Variants in KIF6 observed in about 807,000 individuals in gnomAD.
KIF6 encodes kinesin-like protein KIF6.
A neutral mutation model predicts 112.7 loss-of-function variants in KIF6; 106 were observed. The ratio of observed to expected loss-of-function variants is 0.94; its 90% confidence interval spans 0.80 to 1.11. The LOEUF is 1.11. KIF6 is among the 50% of genes least tolerant of loss of function. The probability of loss-of-function intolerance (pLI) is 0.00; values close to 1 mark genes in which losing one functional copy is unlikely to be tolerated. For missense variants in KIF6, 929 were observed against 964.0 expected, an observed-to-expected ratio of 0.96 and a Z score of 0.48; for synonymous variants, 339 against 339.9, an observed-to-expected ratio of 1.00 and a Z score of 0.03.
chr6:39,491,773 T>C (rs1358088828), intron 13 of KIF6, among the ~76,000 whole-genome samples: 1 of 152,168 alleles, frequency 6.6e-6, no homozygotes, highest in Non-Finnish European at 1.5e-5. Flanking sequence ...GGAAGGAAAC[T>C]CTTTTTATGT....
At chr6:39,605,512 C>T (rs1782834666) in intron 6 of KIF6, among the ~76,000 whole-genome samples, 2 of 152,086 alleles carry the variant, frequency 1.3e-5, no homozygotes, top group South Asian at 4.1e-4. Context: ...CTTTTACTAT[C>T]CTGTGTATAA....
At chr6:39,473,988 T>A (rs1218696280) in intron 13 of KIF6, among the ~76,000 whole-genome samples, 6 of 152,200 alleles carry the variant, frequency 3.9e-5, no homozygotes, top group African/African-American at 1.4e-4. Context: ...TTCTGTTCTT[T>A]ATTTGGTCTC....
intron 10 of KIF6, among the ~76,000 whole-genome samples, chr6:39,573,837 C>G (rs1780775996): frequency 6.6e-6 from 1 of 152,208 alleles, no homozygotes; most frequent in Non-Finnish European, 1.5e-5. Flanking sequence ...CTGTCACCAC[C>G]ACTAAATTAT....
intron 1 of KIF6, among the ~76,000 whole-genome samples, chr6:39,723,553 A>G (rs1280236304): frequency 6.6e-6 from 1 of 152,230 alleles, no homozygotes; most frequent in Non-Finnish European, 1.5e-5. Context: ...ACCATGGAAT[A>G]CTATGCAGCC....
intron 3 of KIF6, among the ~76,000 whole-genome samples, chr6:39,688,218 T>C (rs1787986472): frequency 6.6e-6 from 1 of 152,152 alleles, no homozygotes; most frequent in Non-Finnish European, 1.5e-5. Context: ...GGGTTTCCCA[T>C]TGGCTGACCC....
chr6:39,366,760 G>C (rs1191231464), intron 16 of KIF6, among the ~76,000 whole-genome samples: 2 of 152,226 alleles, frequency 1.3e-5, no homozygotes, highest in African/African-American at 4.8e-5. Flanking sequence ...GGGAGCTGAA[G>C]TCAGTGAAGA....
At chr6:39,403,981 C>T (rs2150343247) in intron 15 of KIF6, among the ~76,000 whole-genome samples, 1 of 152,126 alleles carries the variant, frequency 6.6e-6, no homozygotes, top group Non-Finnish European at 1.5e-5. Flanking sequence ...CTTTTGCACC[C>T]CCACCATTTT....
chr6:39,479,215 A>G (rs1376292935), intron 13 of KIF6, among the ~76,000 whole-genome samples: 4 of 152,148 alleles, frequency 2.6e-5, no homozygotes, highest in Non-Finnish European at 5.9e-5. Flanking sequence ...GTTTTCCTCT[A>G]GAATTTTTAT....
intron 11 of KIF6, 59 bp downstream of exon 11, chr6:39,545,524 T>G: frequency 7.5e-7 from 1 of 1,338,676 alleles, no homozygotes; most frequent in South Asian, 1.2e-5. Context: ...CTAGAAAAGT[T>G]TTTTTGCAGC....
chr6:39,413,152 T>C (rs1769614193), intron 15 of KIF6, among the ~76,000 whole-genome samples: 1 of 152,162 alleles, frequency 6.6e-6, no homozygotes, highest in South Asian at 2.1e-4. Context: ...GTTTTCAGTG[T>C]GCCATTTTGT....
chr6:39,642,057 C>T (rs1429301467), intron 3 of KIF6, among the ~76,000 whole-genome samples: 1 of 152,088 alleles, frequency 6.6e-6, no homozygotes, highest in Non-Finnish European at 1.5e-5. Context: ...GCCTCCATTC[C>T]AACTCAGTCT....
At chr6:39,580,688 A>T (rs1048459966) in intron 9 of KIF6, among the ~76,000 whole-genome samples, 10 of 152,172 alleles carry the variant, frequency 6.6e-5, no homozygotes, top group Non-Finnish European at 1.3e-4. Flanking sequence ...AATTCATGTG[A>T]TTAGTATTTT....
In KIF6 at chr6:39,343,451, G is replaced by C. The variant is rs1444010369; in HGVS notation, c.2428+258C>G. 2 of 1,444,374 alleles carry C rather than the reference G, an allele frequency of 1.4e-6. No individual in the cohort carries two copies. The highest frequency in any genetic ancestry group is 2.1e-5 in the Admixed American group (1 of 48,090). 89.5% of individuals were successfully genotyped at this position (1,444,374 alleles called of 1,614,324 possible). On this transcript the variant is annotated intron_variant, in intron 22 of 22. Coordinates refer to ENST00000287152, the MANE Select transcript of KIF6 (RefSeq NM_145027.6). This position sits in a 1 kb window ranked among gnomAD's most constrained non-coding sequence, Gnocchi z 4.1. ...GAGCTGAAGATCTGGAAGAGACAGA[G>C]AGCAAGCTCTGCCAAGAGGGACAGG...
chr6:39,551,928 TA>T (rs1779405865), intron 10 of KIF6, among the ~76,000 whole-genome samples: 1 of 152,234 alleles, frequency 6.6e-6, no homozygotes, highest in African/African-American at 2.4e-5. Context: ...CCTGGCCTAT[TA>T]AGGCTTTGCT....
intron 15 of KIF6, among the ~76,000 whole-genome samples, chr6:39,418,042 C>A (rs1770055505): frequency 8.9e-6 from 1 of 112,780 alleles, no homozygotes; most frequent in Non-Finnish European, 2.0e-5. Context: ...TATCACTGCC[C>A]ACTGTCTGGG....
chr6:39,617,812 G>A (rs1463071258), intron 5 of KIF6: 3 of 448,706 alleles, frequency 6.7e-6, no homozygotes, highest in African/African-American at 2.0e-5. Flanking sequence ...CATGACAATG[G>A]GTGGGGGTGC....
intron 15 of KIF6, among the ~76,000 whole-genome samples, chr6:39,402,888 C>T (rs547819743): frequency 1.3e-5 from 2 of 152,286 alleles, no homozygotes; most frequent in African/African-American, 4.8e-5. Context: ...GCCCAAAGTC[C>T]TCATCGTAGA....
At chr6:39,434,190 C>T (rs1043423259) in intron 13 of KIF6, among the ~76,000 whole-genome samples, 2 of 152,050 alleles carry the variant, frequency 1.3e-5, no homozygotes, top group African/African-American at 4.8e-5. Context: ...TTGTGCTAGG[C>T]ATGTGACAGA....
chr6:39,524,456 G>A (rs111651870), intron 13 of KIF6, among the ~76,000 whole-genome samples: 4,155 of 152,176 alleles, frequency 0.027, 94 homozygotes, highest in Middle Eastern at 0.041. Context: ...ACTGTGATGC[G>A]CCATCCAGAT....
Sources: allele counts gnomAD v4.1 joint callset (sites outside exome capture counted in the v4.1 genomes callset), GRCh38; gene constraint gnomAD v4.1.1; non-coding constraint Gnocchi (gnomAD v3.1); transcripts MANE v1.5; gene names NCBI Gene and HGNC (gene_info 2026-07-23, HGNC 2026-07-21).